The following ST6GALNAC3 variants were observed in gnomAD, a reference collection of about 807,000 sequenced individuals.
The protein encoded by ST6GALNAC3 is ST6 N-acetylgalactosaminide alpha-2,6-sialyltransferase 3, also known as alpha-N-acetylgalactosaminide alpha-2,6-sialyltransferase 3.
A neutral mutation model predicts 32.7 loss-of-function variants in ST6GALNAC3; 25 were observed. The observed-to-expected ratio is 0.76, with a 90% CI of 0.56 to 1.07. The LOEUF (loss-of-function observed/expected upper bound fraction) is 1.07, where lower values mean the gene tolerates loss of function less well. Ranked by LOEUF, ST6GALNAC3 falls within the 50% of genes least tolerant of loss-of-function variation. The probability of loss-of-function intolerance (pLI) is 0.00; values close to 1 mark genes in which losing one functional copy is unlikely to be tolerated. For synonymous variants in ST6GALNAC3, 129 were observed against 133.1 expected (o/e 0.97, Z 0.21); for missense variants, 355 against 382.4 (o/e 0.93, Z 0.60).
intron 1 of ST6GALNAC3, among the ~76,000 whole-genome samples, chr1:76,194,651 G>A (rs953301941): frequency 1.3e-5 from 2 of 152,062 alleles, no homozygotes; most frequent in African/African-American, 2.4e-5. Context: ...ATCTGCTTCT[G>A]GATTTACTCT....
At chr1:76,224,299 A>G (rs138910567) in intron 1 of ST6GALNAC3, among the ~76,000 whole-genome samples, 3 of 152,186 alleles carry the variant, frequency 2.0e-5, no homozygotes, top group African/African-American at 7.2e-5. Context: ...ACCTCTCCCC[A>G]CTAAGTTTGT....
At chr1:76,210,326 T>C (rs1184406143) in intron 1 of ST6GALNAC3, among the ~76,000 whole-genome samples, 1 of 152,164 alleles carries the variant, frequency 6.6e-6, no homozygotes, top group Non-Finnish European at 1.5e-5. Context: ...GGGTTTTCCT[T>C]CCCCATGTGA....
At chr1:76,161,126 C>T (rs574909572) in intron 1 of ST6GALNAC3, among the ~76,000 whole-genome samples, 13 of 152,294 alleles carry the variant, frequency 8.5e-5, no homozygotes, top group African/African-American at 3.1e-4. Flanking sequence ...AGTGCTATTG[C>T]CTTTCAGACT....
At chr1:76,240,624 C>G (rs543284508) in intron 1 of ST6GALNAC3, among the ~76,000 whole-genome samples, 1 of 152,324 alleles carries the variant, frequency 6.6e-6, no homozygotes, top group South Asian at 2.1e-4. Flanking sequence ...GATGGGGATG[C>G]CCGGAGCAAT....
chr1:76,569,417 G>A (rs1225522832), intron 3 of ST6GALNAC3, among the ~76,000 whole-genome samples: 1 of 152,132 alleles, frequency 6.6e-6, no homozygotes, highest in African/African-American at 2.4e-5. Flanking sequence ...TGAGTGAGCT[G>A]AGAGAACTAA....
intron 1 of ST6GALNAC3, among the ~76,000 whole-genome samples, chr1:76,130,923 C>T (rs1395857836): frequency 6.6e-6 from 1 of 152,350 alleles, no homozygotes; most frequent in East Asian, 1.9e-4. Context: ...ATATCCCACT[C>T]AGAGTCAGGG....
chr1:76,341,249 T>C (rs1261742305), intron 2 of ST6GALNAC3, among the ~76,000 whole-genome samples: 2 of 151,830 alleles, frequency 1.3e-5, no homozygotes, highest in Non-Finnish European at 1.5e-5. Flanking sequence ...AATGTCCCCA[T>C]CTTTGTGTGT....
In ST6GALNAC3 at chr1:76,129,968, C is replaced by G. The variant is rs142246779; in HGVS notation, c.18+55084C>G. ...TGCACTGCATTCTTGGCTTCTGTGTCTTCTCGGATTACACCCATGGATTTG... is the reference window on the plus strand; with the variant it reads ...TGCACTGCATTCTTGGCTTCTGTGTGTTCTCGGATTACACCCATGGATTTG... On this transcript the variant is annotated intron_variant, in intron 1 of 4. Transcript: ENST00000328299. Among the ~76,000 whole-genome samples, 3 of 152,248 alleles carry G rather than the reference C, an allele frequency of 2.0e-5. No individual in the cohort carries two copies. In the East Asian group the frequency reaches 5.8e-4, roughly 29 times the overall value.
rs1445028458 is a variant in ST6GALNAC3, at chr1:76,112,706, C to G, written c.18+37822C>G. On this transcript the variant is annotated intron_variant, in intron 1 of 4. Transcript: ENST00000328299. Reference sequence around the variant, plus strand: ...GGGTCTCCTCACTTCTCAGACGGGGCGGCCGGGCAGAGACGCTCCTCACAT... The same window carrying G: ...GGGTCTCCTCACTTCTCAGACGGGGGGGCCGGGCAGAGACGCTCCTCACAT... Among the ~76,000 whole-genome samples the G allele has an allele frequency of 1.3e-3, 190 of 151,140 alleles. 2 individuals are homozygous for G. The highest frequency in any genetic ancestry group is 4.3e-3 in the African/African-American group (178 of 41,086).
chr1:76,467,025 G>T (rs563301514), intron 3 of ST6GALNAC3, among the ~76,000 whole-genome samples: 14 of 152,116 alleles, frequency 9.2e-5, no homozygotes, highest in African/African-American at 2.6e-4. Flanking sequence ...TGTTTTAGTT[G>T]TTCAAGTATG....
chr1:76,522,960 T>A (rs1557524808), intron 3 of ST6GALNAC3, among the ~76,000 whole-genome samples: 3 of 152,160 alleles, frequency 2.0e-5, no homozygotes, highest in Admixed American at 2.0e-4. Flanking sequence ...ACAAAGGCTT[T>A]TAACTTCTTG....
intron 3 of ST6GALNAC3, among the ~76,000 whole-genome samples, chr1:76,564,625 G>A (rs1055101718): frequency 7.8e-5 from 11 of 141,924 alleles, no homozygotes; most frequent in Admixed American, 7.3e-4. Flanking sequence ...TAGCTCTGTT[G>A]CCCAGGCTGG....
chr1:76,155,523 G>A (rs759184727), intron 1 of ST6GALNAC3, among the ~76,000 whole-genome samples: 94 of 151,890 alleles, frequency 6.2e-4, no homozygotes, highest in Non-Finnish European at 1.1e-3. Flanking sequence ...GCTGGAGTGC[G>A]GTGGCGCAAT....
chr1:76,118,217 C>A (rs1331637895), intron 1 of ST6GALNAC3, among the ~76,000 whole-genome samples: 1 of 152,172 alleles, frequency 6.6e-6, no homozygotes, highest in African/African-American at 2.4e-5. Context: ...CCAAATCCCC[C>A]TTATGAATGA....
At chr1:76,577,095 A>G (rs1229928943) in intron 3 of ST6GALNAC3, 1 of 1,084,226 alleles carries the variant, frequency 9.2e-7, no homozygotes, top group African/African-American at 1.6e-5. Flanking sequence ...ACAGTTTTTA[A>G]AAAGGAAGGG....
chr1:76,281,759 G>C (rs1659510012), intron 1 of ST6GALNAC3, among the ~76,000 whole-genome samples: 2 of 152,154 alleles, frequency 1.3e-5, no homozygotes, highest in African/African-American at 4.8e-5. Context: ...ACTCGATTAT[G>C]CTGCCTATTG....
chr1:76,149,171 T>C (rs1284912555), intron 1 of ST6GALNAC3, among the ~76,000 whole-genome samples: 1 of 152,238 alleles, frequency 6.6e-6, no homozygotes, highest in Admixed American at 6.5e-5. Context: ...GCTTAGGTTC[T>C]GAATCTTTAT....
intron 1 of ST6GALNAC3, among the ~76,000 whole-genome samples, chr1:76,191,126 G>C (rs1267822023): frequency 6.6e-6 from 1 of 152,158 alleles, no homozygotes; most frequent in Non-Finnish European, 1.5e-5. Context: ...AAAGTGGAGT[G>C]GTTGTGGAGA....
chr1:76,388,176 T>C (rs1652245032), intron 2 of ST6GALNAC3, among the ~76,000 whole-genome samples: 1 of 152,226 alleles, frequency 6.6e-6, no homozygotes, highest in African/African-American at 2.4e-5. Flanking sequence ...CCCTACTTTT[T>C]ACTCCCACTT....
Sources: allele counts gnomAD v4.1 joint callset (sites outside exome capture counted in the v4.1 genomes callset), GRCh38; gene constraint gnomAD v4.1.1; transcripts MANE v1.5; gene names NCBI Gene and HGNC (gene_info 2026-07-23, HGNC 2026-07-21).